The following FGD6 variants were observed in gnomAD, a reference collection of about 807,000 sequenced individuals.
The protein encoded by FGD6 is FYVE, RhoGEF and PH domain-containing protein 6.
FGD6 carries 90 observed loss-of-function variants against 149.4 expected under a neutral mutation model. The observed-to-expected ratio is 0.60, with a 90% confidence interval of 0.51 to 0.72. The LOEUF (loss-of-function observed/expected upper bound fraction) is 0.72, where lower values mean the gene tolerates loss of function less well. Among genes scored for constraint, FGD6 ranks in the 30% least tolerant of loss-of-function variants. FGD6 has a pLI of 0.00. For missense variants in FGD6, 1,437 were observed against 1,684.8 expected, an observed-to-expected ratio of 0.85 and a Z score of 2.57; for synonymous variants, 527 against 584.0, an observed-to-expected ratio of 0.90 and a Z score of 1.41.
chr12:95,198,450 G>GT, intron 2 of FGD6, among the ~76,000 whole-genome samples: 1 of 151,898 alleles, frequency 6.6e-6, no homozygotes, highest in South Asian at 2.1e-4. Flanking sequence ...TTTTTTTTCT[G>GT]TTTTTTGAGA....
At chr12:95,083,030 T>TATATATATACACAC (rs772685891) in intron 20 of FGD6, among the ~76,000 whole-genome samples, 6 of 56,580 alleles carry the variant, frequency 1.1e-4, no homozygotes, top group Admixed American at 2.1e-4. Context: ...TATATATATA[T>TATATATATACACAC]ACACACACAT....
chr12:95,165,776 T>C (rs2136280064), intron 3 of FGD6, among the ~76,000 whole-genome samples: 1 of 152,048 alleles, frequency 6.6e-6, no homozygotes, highest in Non-Finnish European at 1.5e-5. Flanking sequence ...TAGCTGGGAC[T>C]ACAGGCATGA....
chr12:95,085,014 A>G (rs961871972), intron 19 of FGD6, among the ~76,000 whole-genome samples: 1 of 152,202 alleles, frequency 6.6e-6, no homozygotes, highest in Non-Finnish European at 1.5e-5. Context: ...TGTGGACCCT[A>G]CAGCAGTGTT....
At chr12:95,102,851 C>G (rs1878493960) in intron 14 of FGD6, among the ~76,000 whole-genome samples, 1 of 152,190 alleles carries the variant, frequency 6.6e-6, no homozygotes, top group Non-Finnish European at 1.5e-5. Flanking sequence ...CTCGTGTAAC[C>G]TTAGATGTGT....
At chr12:95,157,192 A>G (rs946881366) in intron 3 of FGD6, among the ~76,000 whole-genome samples, 3 of 152,224 alleles carry the variant, frequency 2.0e-5, no homozygotes, top group Non-Finnish European at 4.4e-5. Context: ...CAGTTTGTGT[A>G]TATTTGTCCC....
At chr12:95,109,475 C>G (rs547425252) in intron 9 of FGD6, among the ~76,000 whole-genome samples, 71 of 152,226 alleles carry the variant, frequency 4.7e-4, no homozygotes, top group Middle Eastern at 6.8e-3. Context: ...CAGTAGCATT[C>G]CCACTGAGAA....
chr12:95,217,206 C>G lies in FGD6; in HGVS notation c.16+19G>C. 6.2e-7 allele frequency: 1 copy of G among 1,612,224 alleles called. No individual in the cohort carries two copies. The highest frequency in any genetic ancestry group is 1.1e-5 in the South Asian group (1 of 90,954). The stretch of plus-strand genomic sequence containing the variant: ...CTCGCCACAAACTTTCCCGCGGCAG[C>G]GCGAGCGCCGTCACTTACCGGCTGC... On this transcript the variant is annotated intron_variant, in intron 1 of 20. Transcript: ENST00000343958.
rs763007761 is a variant in FGD6 at position 95,107,550 on chromosome 12, C to T, written c.3333+13G>A. The stretch of plus-strand genomic sequence containing the variant: ...CTACCTCGGCCACATCAGAACTACA[C>T]AAGTCCTCTTACCAGGAAAAACATT... On this transcript the variant is annotated intron_variant, in intron 12 of 20. Coordinates refer to ENST00000343958, the MANE Select transcript of FGD6 (RefSeq NM_018351.4). The T allele has an allele frequency of 3.7e-6, 6 of 1,613,856 alleles. No individual in the cohort carries two copies. Among genetic ancestry groups the T allele is most frequent in the South Asian group, 1.1e-5 (1 of 91,080 alleles).
chr12:95,140,240 A>C (rs2136262229), intron 6 of FGD6, among the ~76,000 whole-genome samples: 1 of 152,340 alleles, frequency 6.6e-6, no homozygotes, highest in Admixed American at 6.5e-5. Context: ...TTTCCACAGA[A>C]GTCACCAAGC....
chr12:95,131,190 C>T (rs1879511510), intron 8 of FGD6, among the ~76,000 whole-genome samples: 1 of 150,680 alleles, frequency 6.6e-6, no homozygotes, highest in African/African-American at 2.4e-5. Context: ...CAGCTCACCA[C>T]AACCTCTGCC....
At chr12:95,090,437 G>C (rs1192031097) in intron 17 of FGD6, among the ~76,000 whole-genome samples, 1 of 152,154 alleles carries the variant, frequency 6.6e-6, no homozygotes, top group African/African-American at 2.4e-5. Context: ...AAGAAAACTT[G>C]TTAGGAAATT....
chr12:95,209,895 G>A lies in FGD6; in HGVS notation c.1389C>T (p.Cys463=). 6.2e-7 allele frequency: 1 copy of A among 1,613,354 alleles called. No individual in the cohort carries two copies. Among genetic ancestry groups the A allele is most frequent in the South Asian group, 1.1e-5 (1 of 90,686 alleles). Residue 463 remains cysteine, a synonymous_variant, in exon 2 of 21, where the codon TGC becomes TGT. Transcript: ENST00000343958. ...TTCTCCCAGATTGCAAATGTTCATT[G>A]CAAGTTAATTTGAGCTGCTTAGGCA... ...MSLPKQLKLT[C]NEHLQSGRNL... is the part of the protein sequence containing the mutation.
At chr12:95,095,083 CAA>C (rs1878193319) in intron 14 of FGD6, among the ~76,000 whole-genome samples, 1 of 152,120 alleles carries the variant, frequency 6.6e-6, no homozygotes, top group African/African-American at 2.4e-5. Context: ...TCCAATAAGT[CAA>C]GTTTCAAATT....
At chr12:95,195,994 C>T (rs967950193) in intron 2 of FGD6, among the ~76,000 whole-genome samples, 1 of 151,962 alleles carries the variant, frequency 6.6e-6, no homozygotes, top group African/African-American at 2.4e-5. Flanking sequence ...TGGTGGCGCA[C>T]GTCTCTAATC....
chr12:95,145,315 C>G (rs1250687996), intron 5 of FGD6, among the ~76,000 whole-genome samples: 1 of 152,160 alleles, frequency 6.6e-6, no homozygotes, highest in East Asian at 1.9e-4. Flanking sequence ...TAAGTAAGCA[C>G]TCGGCAAAGA....
At chr12:95,154,104 T>TA (rs1880397403) in intron 3 of FGD6, among the ~76,000 whole-genome samples, 1 of 151,974 alleles carries the variant, frequency 6.6e-6, no homozygotes, top group Non-Finnish European at 1.5e-5. Context: ...GGACTACAGG[T>TA]GCGTGCCATC....
intron 8 of FGD6, among the ~76,000 whole-genome samples, chr12:95,122,471 C>A (rs915973456): frequency 6.6e-6 from 1 of 151,448 alleles, no homozygotes; most frequent in African/African-American, 2.4e-5. Flanking sequence ...CATGGTGAAA[C>A]CCCGTCTCTA....
chr12:95,121,260 T>A (rs184624161), intron 8 of FGD6, among the ~76,000 whole-genome samples: 4 of 151,778 alleles, frequency 2.6e-5, no homozygotes, highest in Non-Finnish European at 4.4e-5. Context: ...GCCAACATGG[T>A]GAAACCCTGT....
At chr12:95,115,754 A>G (rs916134532) in intron 8 of FGD6, among the ~76,000 whole-genome samples, 1 of 152,178 alleles carries the variant, frequency 6.6e-6, no homozygotes, top group Non-Finnish European at 1.5e-5. Flanking sequence ...TGCTCAGAGG[A>G]ACAAAGGAAA....
Sources: gnomAD v4.1 joint callset for allele counts (sites outside exome capture counted in the v4.1 genomes callset) on GRCh38, gnomAD v4.1.1 for gene constraint, MANE v1.5 for transcripts, NCBI Gene and HGNC (gene_info 2026-07-23, HGNC 2026-07-21) for gene names.